Variants in NECTIN3 observed in about 807,000 individuals in gnomAD.
NECTIN3 encodes nectin-3.
NECTIN3 carries 8 observed loss-of-function variants against 49.4 expected under a neutral mutation model. The observed-to-expected ratio is 0.16, with a 90% CI of 0.10 to 0.29. The LOEUF (loss-of-function observed/expected upper bound fraction) is 0.29. Among genes scored for constraint, NECTIN3 ranks in the 10% least tolerant of loss-of-function variants. The pLI is 1.00. For missense variants in NECTIN3, 581 were observed against 654.6 expected, an observed-to-expected ratio of 0.89 and a Z score of 1.23; for synonymous variants, 277 against 241.1, an observed-to-expected ratio of 1.15 and a Z score of -1.38.
intron 5 of NECTIN3, among the ~76,000 whole-genome samples, chr3:111,129,602 A>G (rs1485384044): frequency 1.3e-5 from 2 of 152,154 alleles, no homozygotes; most frequent in Non-Finnish European, 2.9e-5. Flanking sequence ...TTGAGTAAAT[A>G]TGAACAAAAT....
chr3:111,078,951 A>G (rs1373566656), intron 1 of NECTIN3, among the ~76,000 whole-genome samples: 2 of 152,096 alleles, frequency 1.3e-5, no homozygotes, highest in African/African-American at 4.8e-5. Context: ...ACTGAGTTTT[A>G]TGAATGAAGT....
Position 111,134,034 on chromosome 3 carries a change from C to T in NECTIN3, c.1469C>T (p.Pro490Leu). 6.2e-7 allele frequency: 1 copy of T among 1,612,712 alleles called. No individual in the cohort carries two copies. The highest frequency in any genetic ancestry group is 8.5e-7 in the Non-Finnish European group (1 of 1,179,446). ...ATACGTAAAGACTATTTAGAAGAGC[C>T]TGAAAAAACTCAGTGGAACAATGTA... ...NLIRKDYLEE[P>L]EKTQWNNVEN... The change falls in exon 6 of 6, where the codon CCT (proline) becomes CTT (leucine). Residue 490 changes from proline to leucine, a missense_variant. Pro to Leu is a moderately conservative substitution (Grantham distance 98, BLOSUM62 -3). Around this residue, in one of 3 missense-constraint regions of NECTIN3, gnomAD observed 238 missense variants for 244.9 expected, o/e 0.97. Coordinates refer to ENST00000485303, the MANE Select transcript of NECTIN3 (RefSeq NM_015480.3).
At position 111,134,609 on chromosome 3, in the gene NECTIN3, C is replaced by G. The variant is rs1447162071; in HGVS notation, c.*394C>G. The G allele has an allele frequency of 6.5e-6, 6 of 918,672 alleles. No individual in the cohort carries two copies. Among genetic ancestry groups the G allele is most frequent in the Non-Finnish European group, 7.8e-6 (6 of 769,420 alleles). 56.9% of individuals were successfully genotyped at this position (918,672 alleles called of 1,614,324 possible). A position where few individuals can be genotyped will look rare whatever the true frequency, so the allele number is the denominator to read the frequency against. On this transcript the variant is annotated 3_prime_UTR_variant, in exon 6 of 6. Transcript: ENST00000485303. The stretch of plus-strand genomic sequence containing the variant: ...AATCTCAAGTATGATGTTTGTTTAA[C>G]ATATACCTCTCAAAATTTATCACCA...
chr3:111,123,360 T>C (rs906424810), intron 4 of NECTIN3, among the ~76,000 whole-genome samples: 12 of 152,128 alleles, frequency 7.9e-5, no homozygotes, highest in African/African-American at 2.9e-4. Flanking sequence ...ATTATGTAGA[T>C]ATTTCTTAAT....
chr3:111,150,839 C>G (rs1401134051), intron 7 of NECTIN3, among the ~76,000 whole-genome samples: 15 of 151,738 alleles, frequency 9.9e-5, no homozygotes, highest in Non-Finnish European at 1.8e-4. Flanking sequence ...TTAGGAGATA[C>G]TGTTTATATT....
At chr3:111,083,392 G>A (rs1000619254) in intron 1 of NECTIN3, among the ~76,000 whole-genome samples, 1 of 152,168 alleles carries the variant, frequency 6.6e-6, no homozygotes, top group African/African-American at 2.4e-5. Flanking sequence ...AAGTAATTAG[G>A]TTTAGATGAG....
At chr3:111,078,401 C>T (rs888394659) in intron 1 of NECTIN3, among the ~76,000 whole-genome samples, 4 of 152,194 alleles carry the variant, frequency 2.6e-5, no homozygotes, top group Non-Finnish European at 5.9e-5. Flanking sequence ...TAAAGTGTTT[C>T]TGTGAAACAC....
chr3:111,136,762 T>A lies in NECTIN3; in HGVS notation c.*2547T>A. The A allele has an allele frequency of 1.1e-6, 1 of 926,634 alleles. No individual in the cohort carries two copies. The highest frequency in any genetic ancestry group is 1.3e-6 in the Non-Finnish European group (1 of 776,792). 57.4% of individuals were successfully genotyped at this position (926,634 alleles called of 1,614,324 possible). ...TGAACTGTTTTAGCATTTTGTAAAT[T>A]CACTTGAGAGTTTTCTTTCATACTG... On this transcript the variant is annotated 3_prime_UTR_variant, in exon 6 of 6. Transcript: ENST00000485303.
At chr3:111,168,530 G>A (rs1048184455) in intron 7 of NECTIN3, among the ~76,000 whole-genome samples, 2 of 152,074 alleles carry the variant, frequency 1.3e-5, no homozygotes, top group African/African-American at 4.8e-5. Context: ...AATACAGTAG[G>A]ACAGGGATTT....
In NECTIN3 at chr3:111,135,647, A is replaced by G. The variant is rs558375712; in HGVS notation, c.*1432A>G. 3.1e-6 allele frequency: 3 copies of G among 963,352 alleles called. No homozygotes were observed. The African/African-American group carries it at 5.3e-5, about 17-fold the overall frequency. The allele number at this position is 963,352 out of a possible 1,614,324, so 59.7% of individuals were successfully genotyped here. A position where few individuals can be genotyped will look rare whatever the true frequency, so the allele number is the denominator to read the frequency against. ...TTAGTAGGAGAATCATAAATTAAAT[A>G]TATTATTTTGTTAATAAAAAGGCAA... On this transcript the variant is annotated 3_prime_UTR_variant, in exon 6 of 6. Coordinates refer to ENST00000485303, the MANE Select transcript of NECTIN3 (RefSeq NM_015480.3).
At chr3:111,153,835 A>G (rs2035045237) in intron 7 of NECTIN3, among the ~76,000 whole-genome samples, 1 of 152,078 alleles carries the variant, frequency 6.6e-6, no homozygotes, top group South Asian at 2.1e-4. Flanking sequence ...TCATTCATTT[A>G]TCAAATAACT....
intron 1 of NECTIN3, among the ~76,000 whole-genome samples, chr3:111,102,875 G>A (rs1407176461): frequency 6.6e-6 from 1 of 152,094 alleles, no homozygotes; most frequent in Non-Finnish European, 1.5e-5. Context: ...TGGATGTCTG[G>A]TTGTTCCAGC....
intron 1 of NECTIN3, chr3:111,193,464 T>A: frequency 1.5e-6 from 2 of 1,376,036 alleles, no homozygotes; most frequent in Non-Finnish European, 2.0e-6. Flanking sequence ...TATTTTACTG[T>A]CTCTCATATA....
chr3:111,164,474 T>C (rs142750683), intron 7 of NECTIN3, among the ~76,000 whole-genome samples: 46 of 152,328 alleles, frequency 3.0e-4, no homozygotes, highest in African/African-American at 1.0e-3. Context: ...CCATATGTTA[T>C]ATATTTCCAC....
intron 1 of NECTIN3, among the ~76,000 whole-genome samples, chr3:111,109,283 C>T (rs1410534921): frequency 6.6e-6 from 1 of 152,100 alleles, no homozygotes; most frequent in Admixed American, 6.6e-5. Context: ...AGGGAGGACA[C>T]AAACATTCAC....
intron 3 of NECTIN3, among the ~76,000 whole-genome samples, chr3:111,119,739 AAG>A (rs2107465748): frequency 6.6e-6 from 1 of 152,342 alleles, no homozygotes; most frequent in East Asian, 1.9e-4. Flanking sequence ...GGTAGTAAAA[AAG>A]GTGATGGCTG....
chr3:111,152,469 T>C (rs1292435569), intron 7 of NECTIN3, among the ~76,000 whole-genome samples: 1 of 151,904 alleles, frequency 6.6e-6, no homozygotes, highest in Non-Finnish European at 1.5e-5. Context: ...AATTTTGCAA[T>C]CTTTTGGTGG....
intron 5 of NECTIN3, among the ~76,000 whole-genome samples, chr3:111,127,112 T>G (rs2034194190): frequency 1.3e-5 from 2 of 152,134 alleles, no homozygotes; most frequent in African/African-American, 4.8e-5. Flanking sequence ...GTCTAACAAA[T>G]GGAAAATTAA....
intron 7 of NECTIN3, among the ~76,000 whole-genome samples, chr3:111,161,317 A>G (rs1051036969): frequency 2.6e-5 from 4 of 152,162 alleles, no homozygotes; most frequent in Non-Finnish European, 4.4e-5. Context: ...ACAAAGTACC[A>G]TTTATTTAAT....
Sources: gnomAD v4.1 joint callset for allele counts (sites outside exome capture counted in the v4.1 genomes callset) on GRCh38, gnomAD v4.1.1 for gene constraint, gnomAD v4.1.1 regional missense constraint, MANE v1.5 for transcripts, NCBI Gene and HGNC (gene_info 2026-07-23, HGNC 2026-07-21) for gene names.